Variants in TGFA observed in about 807,000 individuals in gnomAD.
The protein encoded by TGFA is transforming growth factor alpha.
Under a neutral mutation model 21.7 loss-of-function variants are expected in TGFA, and 12 were observed. That is an observed-to-expected ratio of 0.55 (90% confidence interval 0.35 to 0.90). The LOEUF is 0.90. Among genes scored for constraint, TGFA ranks in the 40% least tolerant of loss-of-function variants. The pLI is 0.01. For synonymous variants in TGFA, 79 were observed against 88.1 expected, an observed-to-expected ratio of 0.90 and a Z score of 0.58; for missense variants, 178 against 210.8, an observed-to-expected ratio of 0.84 and a Z score of 0.96.
intron 3 of TGFA, among the ~76,000 whole-genome samples, chr2:70,458,599 G>A (rs782449843): frequency 6.6e-6 from 1 of 152,120 alleles, no homozygotes; most frequent in South Asian, 2.1e-4. Context: ...CCTCCATTGT[G>A]CATCTCAACT....
At chr2:70,539,037 C>T (rs895593612) in intron 1 of TGFA, among the ~76,000 whole-genome samples, 1 of 152,204 alleles carries the variant, frequency 6.6e-6, no homozygotes, top group African/African-American at 2.4e-5. Context: ...AGGTGATATC[C>T]TTCACCAACA....
intron 2 of TGFA, among the ~76,000 whole-genome samples, chr2:70,497,502 G>A (rs1045339019): frequency 1.4e-4 from 21 of 152,252 alleles, no homozygotes; most frequent in African/African-American, 4.8e-4. Context: ...TACTATATGG[G>A]AGGCACTGAA....
intron 2 of TGFA, among the ~76,000 whole-genome samples, chr2:70,469,618 C>T (rs1413192325): frequency 6.6e-6 from 1 of 152,114 alleles, no homozygotes; most frequent in Non-Finnish European, 1.5e-5. Flanking sequence ...ATTATAGGTG[C>T]GAGCCGCCAC....
chr2:70,512,867 T>C (rs970903671), intron 2 of TGFA, among the ~76,000 whole-genome samples: 3 of 152,168 alleles, frequency 2.0e-5, no homozygotes, highest in African/African-American at 7.2e-5. Context: ...TCATTGCAAC[T>C]TGTCACCTGA....
At chr2:70,483,360 C>T (rs1671178389) in intron 2 of TGFA, among the ~76,000 whole-genome samples, 1 of 152,084 alleles carries the variant, frequency 6.6e-6, no homozygotes, top group South Asian at 2.1e-4. Context: ...TTTTTCCATT[C>T]TCTGAGCAAT....
At chr2:70,451,004 T>C in intron 5 of TGFA, 138 bp from the exon 6 acceptor site, 2 of 1,000,990 alleles carry the variant, frequency 2.0e-6, no homozygotes, top group Non-Finnish European at 3.1e-6. Context: ...CGAGTCCAAA[T>C]TCTGCTGGTT....
At chr2:70,550,020 A>G (rs1673438815) in intron 1 of TGFA, among the ~76,000 whole-genome samples, 1 of 152,258 alleles carries the variant, frequency 6.6e-6, no homozygotes, top group Non-Finnish European at 1.5e-5. Context: ...TCTGAAAGAC[A>G]TCACGTCCAG....
chr2:70,547,785 G>T, intron 1 of TGFA, among the ~76,000 whole-genome samples: 2 of 146,678 alleles, frequency 1.4e-5, no homozygotes, highest in African/African-American at 2.5e-5. Flanking sequence ...ATGTAATATA[G>T]TATACTATCT....
chr2:70,491,860 A>G (rs1268819392), intron 2 of TGFA, among the ~76,000 whole-genome samples: 3 of 152,228 alleles, frequency 2.0e-5, no homozygotes, highest in Admixed American at 6.5e-5. Flanking sequence ...CACTCCACAC[A>G]TCATAGAGTA....
intron 3 of TGFA, among the ~76,000 whole-genome samples, chr2:70,463,234 G>A (rs1015615832): frequency 1.3e-5 from 2 of 152,086 alleles, no homozygotes; most frequent in African/African-American, 2.4e-5. Context: ...CCATGGTTGC[G>A]GTATGCAGAG....
At chr2:70,521,617 GT>G (rs35177436) in intron 1 of TGFA, among the ~76,000 whole-genome samples, 4 of 87,094 alleles carry the variant, frequency 4.6e-5, no homozygotes, top group Non-Finnish European at 6.2e-5. Flanking sequence ...TTGTTTGTTT[GT>G]TTTTTTTTTT....
intron 1 of TGFA, among the ~76,000 whole-genome samples, chr2:70,541,890 A>G (rs1673141398): frequency 6.6e-6 from 1 of 152,192 alleles, no homozygotes; most frequent in Admixed American, 6.5e-5. Context: ...GCTATGTGCA[A>G]AAAACATCTG....
chr2:70,486,196 A>C (rs1229846140), intron 2 of TGFA, among the ~76,000 whole-genome samples: 1 of 152,210 alleles, frequency 6.6e-6, no homozygotes, highest in African/African-American at 2.4e-5. Context: ...CAATATGGCA[A>C]AAATGACCTC....
intron 1 of TGFA, among the ~76,000 whole-genome samples, chr2:70,529,540 C>T (rs1672747095): frequency 6.6e-6 from 1 of 151,004 alleles, no homozygotes; most frequent in Admixed American, 6.6e-5. Context: ...GGAGCCAGAT[C>T]TGGAAATATC....
chr2:70,514,942 TCA>T (rs1395294504), intron 1 of TGFA, 30 bp from the exon 2 acceptor site: 11 of 1,609,832 alleles, frequency 6.8e-6, no homozygotes, highest in Non-Finnish European at 9.3e-6. Flanking sequence ...AGGGAAAAGG[TCA>T]GAGTCTGCTT....
In TGFA at chr2:70,480,321, G is replaced by A. The variant is rs559345230; in HGVS notation, c.95-14585C>T. On this transcript the variant is annotated intron_variant, in intron 2 of 5. Transcript: ENST00000295400. ...CACCCTCATACCTTGGCCTTCCAAG[G>A]TTGGGCTGTTTGGGTGATTCTGCTC... 1.6e-4 allele frequency among the ~76,000 whole-genome samples: 25 copies of A among 152,320 alleles called. No individual in the cohort carries two copies. The East Asian group carries it at 4.6e-3, about 28-fold the overall frequency.
intron 2 of TGFA, among the ~76,000 whole-genome samples, chr2:70,509,181 GA>G (rs1553500639): frequency 6.6e-6 from 1 of 152,204 alleles, no homozygotes; most frequent in Non-Finnish European, 1.5e-5. Flanking sequence ...TACCTGGGTA[GA>G]AAACATGAGC....
chr2:70,489,534 GA>G (rs1553497186), intron 2 of TGFA, among the ~76,000 whole-genome samples: 1 of 152,206 alleles, frequency 6.6e-6, no homozygotes, highest in Non-Finnish European at 1.5e-5. Context: ...TCAAGGACAA[GA>G]AAACCATCAG....
At chr2:70,476,183 A>G (rs1298318072) in intron 2 of TGFA, among the ~76,000 whole-genome samples, 5 of 151,470 alleles carry the variant, frequency 3.3e-5, no homozygotes, top group Non-Finnish European at 7.4e-5. Context: ...AATATGTGAT[A>G]ATTTGATTTC....
Sources: allele counts gnomAD v4.1 joint callset (sites outside exome capture counted in the v4.1 genomes callset), GRCh38; gene constraint gnomAD v4.1.1; transcripts MANE v1.5; gene names NCBI Gene and HGNC (gene_info 2026-07-23, HGNC 2026-07-21).